Variants in DENND1B observed in about 807,000 individuals in gnomAD.
The protein encoded by DENND1B is DENN domain containing 1B.
Under a neutral mutation model 90.1 loss-of-function variants are expected in DENND1B, and 59 were observed. The ratio of observed to expected loss-of-function variants is 0.65; its 90% CI spans 0.53 to 0.81. DENND1B has a LOEUF of 0.81. DENND1B is among the 40% of genes least tolerant of loss of function. The probability of loss-of-function intolerance (pLI) is 0.00; values close to 1 mark genes in which losing one functional copy is unlikely to be tolerated. For missense variants in DENND1B, 862 were observed against 912.6 expected (o/e 0.94, Z 0.71); for synonymous variants, 337 against 324.6 (o/e 1.04, Z -0.41).
intron 12 of DENND1B, among the ~76,000 whole-genome samples, chr1:197,610,490 C>T (rs1195294953): frequency 6.7e-6 from 1 of 149,806 alleles, no homozygotes; most frequent in Non-Finnish European, 1.5e-5. Flanking sequence ...TAACCAACAA[C>T]TTTAAATATT....
intron 13 of DENND1B, among the ~76,000 whole-genome samples, chr1:197,601,961 A>C (rs1245872493): frequency 6.6e-6 from 1 of 151,704 alleles, no homozygotes; most frequent in African/African-American, 2.4e-5. Context: ...GTAAATAATT[A>C]TATCTCTGAT....
intron 15 of DENND1B, among the ~76,000 whole-genome samples, chr1:197,570,977 A>C (rs1231397492): frequency 6.6e-6 from 1 of 152,214 alleles, no homozygotes; most frequent in African/African-American, 2.4e-5. Flanking sequence ...ACAGTTATTT[A>C]AAATGTCAAT....
intron 13 of DENND1B, among the ~76,000 whole-genome samples, chr1:197,599,097 G>A (rs1267993104): frequency 6.6e-6 from 1 of 151,718 alleles, no homozygotes; most frequent in Non-Finnish European, 1.5e-5. Context: ...TAGCACTAAA[G>A]TGACTATGAA....
intron 2 of DENND1B, among the ~76,000 whole-genome samples, chr1:197,715,798 A>G (rs532233763): frequency 2.6e-5 from 4 of 152,018 alleles, no homozygotes; most frequent in African/African-American, 4.8e-5. Flanking sequence ...TTAGCACACT[A>G]AAATGCTAAG....
At position 197,652,312 on chromosome 1, in the gene DENND1B, T is replaced by C; in HGVS notation, c.370A>G (p.Asn124Asp). Reference protein sequence around the residue: ...LADYLAKELENDLNETLRSLY... With the variant: ...LADYLAKELEDDLNETLRSLY... ...GATCTGAGAGTTTCATTCAAATCATTTTCCTAGGGCAAAAGAAAAAGTACA... is the reference window on the plus strand; with the variant it reads ...GATCTGAGAGTTTCATTCAAATCATCTTCCTAGGGCAAAAGAAAAAGTACA... The change falls in exon 7 of 23, where the codon AAT becomes GAT. Residue 124 changes from asparagine to aspartate, a missense_variant. Coordinates refer to ENST00000620048, the MANE Select transcript of DENND1B (RefSeq NM_001195215.2). 2.5e-6 allele frequency: 4 copies of C among 1,609,364 alleles called. No homozygotes were observed. The highest frequency in any genetic ancestry group is 1.3e-5 in the African/African-American group (1 of 74,692).
intron 16 of DENND1B, among the ~76,000 whole-genome samples, chr1:197,550,835 G>A (rs561377617): frequency 2.7e-5 from 4 of 150,294 alleles, no homozygotes; most frequent in Non-Finnish European, 5.9e-5. Context: ...TACCTCCTTG[G>A]GTGTTGTGAG....
At chr1:197,552,840 C>T in intron 16 of DENND1B, 182 bp downstream of exon 16, 1 of 1,352,944 alleles carries the variant, frequency 7.4e-7, no homozygotes, top group Non-Finnish European at 9.4e-7. Flanking sequence ...CCTTGAGTAA[C>T]AGGTATCAGG....
At chr1:197,733,647 G>A (rs891750592) in intron 2 of DENND1B, among the ~76,000 whole-genome samples, 4 of 152,136 alleles carry the variant, frequency 2.6e-5, no homozygotes, top group Non-Finnish European at 5.9e-5. Flanking sequence ...ATATTGTGAG[G>A]CCCCACGAAA....
At chr1:197,575,979 T>G (rs1673645491) in intron 15 of DENND1B, among the ~76,000 whole-genome samples, 1 of 152,066 alleles carries the variant, frequency 6.6e-6, no homozygotes, top group Non-Finnish European at 1.5e-5. Context: ...ATACCTAATG[T>G]AAATAATGAG....
rs538429540 is a variant in DENND1B at position 197,694,730 on chromosome 1, G to C, written c.126+20301C>G. On this transcript the variant is annotated intron_variant, in intron 3 of 22. Transcript: ENST00000620048. ...CATTTATCATTATTTAATTTCTATA[G>C]ATTGCTGCATAACATCAGACCTTCC... Among the ~76,000 whole-genome samples the C allele has an allele frequency of 2.6e-5, 4 of 151,270 alleles. No individual in the cohort carries two copies. In the East Asian group the frequency reaches 7.7e-4, roughly 29 times the overall value.
At chr1:197,548,101 G>A (rs928140143) in intron 16 of DENND1B, among the ~76,000 whole-genome samples, 2 of 152,144 alleles carry the variant, frequency 1.3e-5, no homozygotes, top group African/African-American at 4.8e-5. Flanking sequence ...TTAAACCTCT[G>A]AACCACAAAG....
chr1:197,651,800 C>G (rs1024992331), intron 7 of DENND1B, among the ~76,000 whole-genome samples: 1 of 151,116 alleles, frequency 6.6e-6, no homozygotes, highest in African/African-American at 2.4e-5. Context: ...GGACTACAGG[C>G]GCCTGCCACC....
At chr1:197,625,451 G>C (rs917946309) in intron 10 of DENND1B, among the ~76,000 whole-genome samples, 6 of 152,106 alleles carry the variant, frequency 3.9e-5, no homozygotes, top group African/African-American at 1.4e-4. Context: ...ATACTTTACA[G>C]ACAAGCAAAT....
chr1:197,646,142 G>A (rs1680715746), intron 8 of DENND1B, among the ~76,000 whole-genome samples: 1 of 151,882 alleles, frequency 6.6e-6, no homozygotes, highest in African/African-American at 2.4e-5. Flanking sequence ...AACACATTTA[G>A]TTGAGGTGGA....
chr1:197,596,107 G>A (rs10158300), intron 13 of DENND1B, among the ~76,000 whole-genome samples: 145,648 of 152,082 alleles, frequency 0.96, 70,038 homozygotes, highest in South Asian at 1. Context: ...CTCATGAACC[G>A]GTAATCAGAT....
chr1:197,724,467 G>A (rs559413731), intron 2 of DENND1B, among the ~76,000 whole-genome samples: 1 of 152,126 alleles, frequency 6.6e-6, no homozygotes, highest in African/African-American at 2.4e-5. Flanking sequence ...CAAAGCCTAG[G>A]AATGGATCCT....
At chr1:197,715,779 C>A (rs1660582441) in intron 2 of DENND1B, among the ~76,000 whole-genome samples, 2 of 151,682 alleles carry the variant, frequency 1.3e-5, no homozygotes. Context: ...CACAGTATTT[C>A]TCTTCTACTT....
chr1:197,647,288 G>C (rs982002093), intron 7 of DENND1B, among the ~76,000 whole-genome samples, 174 bp from the exon 8 acceptor site: 2 of 152,162 alleles, frequency 1.3e-5, no homozygotes, highest in African/African-American at 4.8e-5. Context: ...TTTTATGCTA[G>C]AAAAATCCTA....
At chr1:197,763,476 C>T (rs1655350577) in intron 2 of DENND1B, among the ~76,000 whole-genome samples, 1 of 152,142 alleles carries the variant, frequency 6.6e-6, no homozygotes, top group African/African-American at 2.4e-5. Context: ...TTACTGAGCA[C>T]ATACTATGAG....
Sources: allele counts gnomAD v4.1 joint callset (sites outside exome capture counted in the v4.1 genomes callset), GRCh38; gene constraint gnomAD v4.1.1; transcripts MANE v1.5; gene names NCBI Gene and HGNC (gene_info 2026-07-23, HGNC 2026-07-21).